Variants in RNF152 observed in about 807,000 individuals in gnomAD.
The protein encoded by RNF152 is ring finger protein 152.
A neutral mutation model predicts 12.7 loss-of-function variants in RNF152; 11 were observed. The ratio of observed to expected loss-of-function variants is 0.86; its 90% CI spans 0.54 to 1.43. The LOEUF (loss-of-function observed/expected upper bound fraction) is 1.43. Ranked by LOEUF, RNF152 falls within the 40% of genes most tolerant of loss-of-function variation. The probability of loss-of-function intolerance (pLI) is 0.00; values close to 1 mark genes in which losing one functional copy is unlikely to be tolerated. For missense variants in RNF152, 255 were observed against 274.8 expected, an observed-to-expected ratio of 0.93 and a Z score of 0.51; for synonymous variants, 113 against 120.3, an observed-to-expected ratio of 0.94 and a Z score of 0.40.
At chr18:61,828,507 C>A (rs1271010113) in intron 1 of RNF152, among the ~76,000 whole-genome samples, 1 of 152,166 alleles carries the variant, frequency 6.6e-6, no homozygotes, top group Non-Finnish European at 1.5e-5. Flanking sequence ...TCACTGCAGC[C>A]ACCAACTCAT....
chr18:61,889,630 C>T (rs1313387062), intron 1 of RNF152, among the ~76,000 whole-genome samples: 2 of 152,176 alleles, frequency 1.3e-5, no homozygotes, highest in East Asian at 3.9e-4. Context: ...TCTACTAGTC[C>T]TGTGACCAGA....
chr18:61,818,146 G>A (rs977601267), intron 1 of RNF152, among the ~76,000 whole-genome samples: 4 of 152,144 alleles, frequency 2.6e-5, no homozygotes, highest in Admixed American at 6.5e-5. Flanking sequence ...CAACCTGGCC[G>A]GCGTGGGGGC....
intron 1 of RNF152, among the ~76,000 whole-genome samples, chr18:61,885,016 T>C (rs1912624467): frequency 6.6e-6 from 1 of 152,212 alleles, no homozygotes; most frequent in African/African-American, 2.4e-5. Context: ...GTGGAGTGGA[T>C]GGACTATTTA....
Position 61,812,950 on chromosome 18 carries a change from G to C in RNF152, c.*2902C>G, listed in dbSNP as rs921550012. On this transcript the variant is annotated 3_prime_UTR_variant, in exon 2 of 2. Transcript: ENST00000312828. ...CCAGATAGAGATATAGACAGACCTA[G>C]GATGGAGCAAGAAGACACTGCAGTG... 3 of 152,166 alleles carry C rather than the reference G, an allele frequency of 2.0e-5. No individual in the cohort carries two copies. Among genetic ancestry groups the C allele is most frequent in the African/African-American group, 7.2e-5 (3 of 41,418 alleles). 9.4% of individuals were successfully genotyped at this position (152,166 alleles called of 1,614,324 possible).
chr18:61,879,982 T>A lies in RNF152; in HGVS notation c.-136+12813A>T, dbSNP rs28478936. On this transcript the variant is annotated intron_variant, in intron 1 of 1. Transcript: ENST00000312828. ...CTCCATCTCAAAAAAAAAAAAAAAA[T>A]TTTTTTTGTGCACAGCTTTTTAGTA... Among the ~76,000 whole-genome samples the A allele has an allele frequency of 6.2e-3, 936 of 149,964 alleles. 8 individuals carry two copies. Among genetic ancestry groups the A allele is most frequent in the African/African-American group, 0.019 (781 of 40,638 alleles).
At chr18:61,844,094 GAAAGAAA>G (rs1910604511) in intron 1 of RNF152, among the ~76,000 whole-genome samples, 1 of 110,256 alleles carries the variant, frequency 9.1e-6, no homozygotes, top group African/African-American at 3.2e-5. Flanking sequence ...AAGAAAGAAA[GAAAGAAA>G]GAAAGAAAGA....
chr18:61,878,347 C>T (rs147354521), intron 1 of RNF152, among the ~76,000 whole-genome samples: 28 of 152,264 alleles, frequency 1.8e-4, no homozygotes, highest in African/African-American at 5.8e-4. Flanking sequence ...TTATCCAGCC[C>T]CAGAGGTCAA....
At chr18:61,847,041 A>T (rs1568277068) in intron 1 of RNF152, among the ~76,000 whole-genome samples, 1 of 152,210 alleles carries the variant, frequency 6.6e-6, no homozygotes, top group Non-Finnish European at 1.5e-5. Flanking sequence ...GTAGCAAGGT[A>T]TCCAGCCCAG....
intron 1 of RNF152, among the ~76,000 whole-genome samples, chr18:61,884,704 T>C (rs561637663): frequency 9.7e-4 from 147 of 152,202 alleles, no homozygotes; most frequent in African/African-American, 3.3e-3. Flanking sequence ...GGATTACAGG[T>C]GCCCACCACC....
At chr18:61,836,465 T>C (rs1910190136) in intron 1 of RNF152, among the ~76,000 whole-genome samples, 1 of 152,122 alleles carries the variant, frequency 6.6e-6, no homozygotes, top group Non-Finnish European at 1.5e-5. Flanking sequence ...AAGATGGGAT[T>C]AGTGCCCTTA....
intron 1 of RNF152, among the ~76,000 whole-genome samples, chr18:61,886,911 A>G (rs1306960842): frequency 6.6e-6 from 1 of 152,258 alleles, no homozygotes; most frequent in African/African-American, 2.4e-5. Flanking sequence ...TTTGGATTAT[A>G]AAGAATTTCT....
chr18:61,890,709 A>C (rs1489854353), intron 1 of RNF152, among the ~76,000 whole-genome samples: 1 of 152,226 alleles, frequency 6.6e-6, no homozygotes, highest in African/African-American at 2.4e-5. Flanking sequence ...TCAAAATTCA[A>C]CTTCATCAGG....
At chr18:61,890,042 T>C (rs758792464) in intron 1 of RNF152, among the ~76,000 whole-genome samples, 8 of 152,204 alleles carry the variant, frequency 5.3e-5, no homozygotes, top group Non-Finnish European at 1.0e-4. Context: ...ACCATGTTAG[T>C]AAATACCATA....
At position 61,815,725 on chromosome 18, in the gene RNF152, G is replaced by A; in HGVS notation, c.*127C>T. The A allele has an allele frequency of 2.9e-6, 3 of 1,044,812 alleles. No homozygotes were observed. The highest frequency in any genetic ancestry group is 4.2e-6 in the Non-Finnish European group (3 of 707,308). The allele number at this position is 1,044,812 out of a possible 1,614,324, so 64.7% of individuals were successfully genotyped here. A position where few individuals can be genotyped will look rare whatever the true frequency, so the allele number is the denominator to read the frequency against. The stretch of plus-strand genomic sequence containing the variant: ...TGTGTCTGTCTTGGGGTAATCAAGA[G>A]GCAACCCAGAGGCCAGCGCTCAGCA... On this transcript the variant is annotated 3_prime_UTR_variant, in exon 2 of 2. Transcript: ENST00000312828.
chr18:61,832,874 T>C (rs925129299), intron 1 of RNF152, among the ~76,000 whole-genome samples: 1 of 152,238 alleles, frequency 6.6e-6, no homozygotes, highest in African/African-American at 2.4e-5. Context: ...AGTTGGCATA[T>C]CATGACCTTC....
intron 1 of RNF152, among the ~76,000 whole-genome samples, chr18:61,855,995 G>A (rs372542736): frequency 6.6e-6 from 1 of 152,184 alleles, no homozygotes; most frequent in African/African-American, 2.4e-5. Flanking sequence ...GGTACTTAAA[G>A]AACTCTGTGT....
At chr18:61,861,043 TAAAC>T (rs1318242863) in intron 1 of RNF152, among the ~76,000 whole-genome samples, 4 of 152,312 alleles carry the variant, frequency 2.6e-5, no homozygotes, top group East Asian at 3.9e-4. Flanking sequence ...GTCAAAAAGT[TAAAC>T]AAAATTTAGA....
At chr18:61,880,913 C>CTT (rs71179000) in intron 1 of RNF152, among the ~76,000 whole-genome samples, 14 of 131,798 alleles carry the variant, frequency 1.1e-4, no homozygotes, top group East Asian at 2.3e-4. Flanking sequence ...CTCTAGTTTT[C>CTT]TTTTTTTTTT....
At chr18:61,838,997 G>A (rs1378761660) in intron 1 of RNF152, among the ~76,000 whole-genome samples, 2 of 150,580 alleles carry the variant, frequency 1.3e-5, no homozygotes, top group Non-Finnish European at 2.9e-5. Context: ...GCTGAACTTG[G>A]CCGTCATCTT....
Sources: gnomAD v4.1 joint callset for allele counts (sites outside exome capture counted in the v4.1 genomes callset) on GRCh38, gnomAD v4.1.1 for gene constraint, MANE v1.5 for transcripts, NCBI Gene and HGNC (gene_info 2026-07-23, HGNC 2026-07-21) for gene names.